The following PCDH7 variants were observed in gnomAD, a reference collection of about 807,000 sequenced individuals.
PCDH7 encodes the protein protocadherin 7.
Under a neutral mutation model 58.9 loss-of-function variants are expected in PCDH7, and 17 were observed. The observed-to-expected ratio is 0.29, with a 90% CI of 0.20 to 0.43. The LOEUF is 0.43. Ranked by LOEUF, PCDH7 falls within the 20% of genes least tolerant of loss-of-function variation. The pLI is 1.00. For missense variants in PCDH7, 1,274 were observed against 1,441.0 expected (o/e 0.88, Z 1.88); for synonymous variants, 664 against 616.4 (o/e 1.08, Z -1.14).
rs368387779 is a variant in PCDH7 at position 30,964,530 on chromosome 4, C to T, written c.*7+14315C>T. ...TGCTGGGATTACAGGCGTGAGCCAC[C>T]GCACCCGGCCCAGTAGTTTTATTTA... On this transcript the variant is annotated intron_variant, in intron 3 of 3. Coordinates refer to the PCDH7 transcript ENST00000509759. 2.3e-4 allele frequency among the ~76,000 whole-genome samples: 35 copies of T among 152,100 alleles called. No individual in the cohort carries two copies. In the East Asian group the frequency reaches 5.4e-3, roughly 24 times the overall value.
chr4:31,001,941 G>GT (rs1462845009), intron 3 of PCDH7, among the ~76,000 whole-genome samples: 2 of 152,094 alleles, frequency 1.3e-5, no homozygotes, highest in Non-Finnish European at 2.9e-5. Flanking sequence ...CAACAAAAGC[G>GT]TTTTTTGGAC....
intron 3 of PCDH7, among the ~76,000 whole-genome samples, chr4:31,028,770 T>C (rs1420323697): frequency 6.6e-6 from 1 of 152,110 alleles, no homozygotes; most frequent in African/African-American, 2.4e-5. Flanking sequence ...ATGCATGAGA[T>C]GAAAAACATC....
chr4:31,132,636 G>A (rs1443801107), intron 3 of PCDH7, among the ~76,000 whole-genome samples: 1 of 152,040 alleles, frequency 6.6e-6, no homozygotes, highest in Non-Finnish European at 1.5e-5. Context: ...AACTGTTTTA[G>A]TACCACACCA....
rs188494987 is a variant in PCDH7, at chr4:30,926,587, A to G, written c.287+6218A>G. On this transcript the variant is annotated intron_variant, in intron 2 of 3. Transcript: ENST00000509759. ...TTTTTAAATTACCAGTATAAATTAT[A>G]TTCTCACCTTAAATATTTTCCAGTT... Among the ~76,000 whole-genome samples the G allele has an allele frequency of 4.7e-4, 72 of 152,326 alleles. 1 individual carries two copies. In the East Asian group the frequency reaches 0.014, roughly 29 times the overall value.
intron 1 of PCDH7, among the ~76,000 whole-genome samples, chr4:30,800,765 G>A (rs1725433765): frequency 1.3e-5 from 2 of 152,216 alleles, no homozygotes; most frequent in Admixed American, 6.5e-5. Flanking sequence ...TAGACAAAAG[G>A]CACATCATCC....
chr4:30,730,687 A>G, intron 1 of PCDH7: 1 of 1,233,768 alleles, frequency 8.1e-7, no homozygotes, highest in Non-Finnish European at 1.2e-6. Flanking sequence ...TGGGCATAAG[A>G]CACTGGGGAA....
In PCDH7 at chr4:30,885,526, G is replaced by C. The variant is rs529647373; in HGVS notation, c.71-34627G>C. On this transcript the variant is annotated intron_variant, in intron 1 of 3. Transcript: ENST00000509759. ...TTTCTTCTCACGATACTGTCTCTCT[G>C]TGTGTGTGTGTGCATGTGTGTGCAG... Among the ~76,000 whole-genome samples, 17 of 151,830 alleles carry C rather than the reference G, an allele frequency of 1.1e-4. No homozygotes were observed. The East Asian group carries it at 1.4e-3, about 12-fold the overall frequency.
chr4:30,851,602 G>A (rs1434436620), intron 1 of PCDH7, among the ~76,000 whole-genome samples: 1 of 151,960 alleles, frequency 6.6e-6, no homozygotes, highest in Non-Finnish European at 1.5e-5. Flanking sequence ...TGCTTCATTT[G>A]TAACTGTATG....
rs189882455 is a variant in PCDH7, at chr4:31,059,420, C to T, written c.*8-83053C>T. Among the ~76,000 whole-genome samples, 7 of 151,918 alleles carry T rather than the reference C, an allele frequency of 4.6e-5. No individual in the cohort carries two copies. The East Asian group carries it at 1.4e-3, about 29-fold the overall frequency. On this transcript the variant is annotated intron_variant, in intron 3 of 3. Coordinates refer to the PCDH7 transcript ENST00000509759. ...TATAGTTATCCAGGCCTCTTCAACA[C>T]TCATTGAAAGCATGACAGTAGAATT... is the stretch of plus-strand genomic sequence containing the variant.
At chr4:30,997,582 G>T (rs1174910082) in intron 3 of PCDH7, among the ~76,000 whole-genome samples, 2 of 152,086 alleles carry the variant, frequency 1.3e-5, no homozygotes, top group Admixed American at 1.3e-4. Flanking sequence ...TTTAAAGATG[G>T]TGATTTAAAT....
chr4:30,861,926 T>C (rs535217864), intron 1 of PCDH7, among the ~76,000 whole-genome samples: 78 of 152,256 alleles, frequency 5.1e-4, no homozygotes, highest in Admixed American at 1.1e-3. Context: ...CCCTCATTAG[T>C]TTCAAATTAT....
chr4:30,872,408 G>C (rs1735736185), intron 1 of PCDH7, among the ~76,000 whole-genome samples: 1 of 151,966 alleles, frequency 6.6e-6, no homozygotes, highest in Admixed American at 6.6e-5. Context: ...AGTGAGCATG[G>C]CTCTGTTCCA....
intron 3 of PCDH7, among the ~76,000 whole-genome samples, chr4:30,965,227 T>C (rs1748895484): frequency 6.6e-6 from 1 of 152,096 alleles, no homozygotes; most frequent in African/African-American, 2.4e-5. Flanking sequence ...GTGATAAATG[T>C]TTTCTTCTAT....
intron 1 of PCDH7, among the ~76,000 whole-genome samples, chr4:30,790,525 G>C (rs1162851573): frequency 6.6e-6 from 1 of 152,180 alleles, no homozygotes; most frequent in East Asian, 1.9e-4. Flanking sequence ...GTAGCTTGAT[G>C]GATTCAACTT....
chr4:31,056,460 A>AG (rs779490197), intron 3 of PCDH7, among the ~76,000 whole-genome samples: 7,664 of 65,344 alleles, frequency 0.12, 515 homozygotes, highest in South Asian at 0.18. Flanking sequence ...GAAAGAAAGA[A>AG]GAAAGAAAGA....
chr4:30,801,479 G>C (rs1725513780), intron 1 of PCDH7, among the ~76,000 whole-genome samples: 1 of 152,030 alleles, frequency 6.6e-6, no homozygotes, highest in Admixed American at 6.6e-5. Context: ...AGGAAAGAAG[G>C]AGTGTTTCAG....
At chr4:30,946,092 G>C (rs12508739) in intron 2 of PCDH7, among the ~76,000 whole-genome samples, 2 of 151,934 alleles carry the variant, frequency 1.3e-5, no homozygotes, top group African/African-American at 2.4e-5. Flanking sequence ...GGGAAAGTTC[G>C]AGAGTCAGAC....
intron 3 of PCDH7, among the ~76,000 whole-genome samples, chr4:30,989,440 G>A (rs1207032035): frequency 2.0e-5 from 3 of 152,170 alleles, no homozygotes; most frequent in Non-Finnish European, 4.4e-5. Context: ...TGTGCCTGCA[G>A]CGTGCATGTT....
intron 3 of PCDH7, among the ~76,000 whole-genome samples, chr4:31,087,741 C>T (rs1712653113): frequency 6.6e-6 from 1 of 152,020 alleles, no homozygotes; most frequent in African/African-American, 2.4e-5. Flanking sequence ...TTCATCTTGT[C>T]GCCGTTTTTG....
Sources: allele counts gnomAD v4.1 joint callset (sites outside exome capture counted in the v4.1 genomes callset), GRCh38; gene constraint gnomAD v4.1.1; transcripts MANE v1.5; gene names NCBI Gene and HGNC (gene_info 2026-07-23, HGNC 2026-07-21).